Variants in MYO1F observed in about 807,000 individuals in gnomAD.
MYO1F encodes unconventional myosin-If.
MYO1F carries 60 observed loss-of-function variants against 146.6 expected under a neutral mutation model. That is an observed-to-expected ratio of 0.41 (90% confidence interval 0.33 to 0.51). The LOEUF (loss-of-function observed/expected upper bound fraction) is 0.51, where lower values mean the gene tolerates loss of function less well. Among genes scored for constraint, MYO1F ranks in the 20% least tolerant of loss-of-function variants. The pLI, the probability that MYO1F is intolerant of heterozygous loss-of-function variation, is 0.25. For missense variants in MYO1F, 1,274 were observed against 1,534.3 expected (o/e 0.83, Z 2.83); for synonymous variants, 602 against 602.1 (o/e 1.00, Z 0.00).
At chr19:8,544,000 T>TGCTGGTGCTGGTGGTGGC (rs1973207343) in intron 14 of MYO1F, 8 of 154,858 alleles carry the variant, frequency 5.2e-5, no homozygotes, top group South Asian at 2.2e-4. Context: ...GTGGTGCTGG[T>TGCTGGTGCTGGTGGTGGC]GGTGGCGGTG....
rs148644054 is a variant in MYO1F at position 8,541,371 on chromosome 19, G to A, written c.1610+535C>T. The stretch of plus-strand genomic sequence containing the variant: ...CATGTCAAACACTTTAAGGATCCCC[G>A]TCTTATTACTTTACATCTAATGCTA... On this transcript the variant is annotated intron_variant, in intron 15 of 27. Coordinates refer to ENST00000644032, the MANE Select transcript of MYO1F (RefSeq NM_012335.4). Among the ~76,000 whole-genome samples the A allele has an allele frequency of 1.2e-4, 17 of 147,638 alleles. No homozygotes were observed. In the East Asian group the frequency reaches 1.6e-3, roughly 14 times the overall value.
At chr19:8,525,657 G>T in intron 24 of MYO1F, 95 bp from the exon 25 acceptor site, 2 of 1,009,936 alleles carry the variant, frequency 2.0e-6, no homozygotes, top group East Asian at 2.6e-5. Context: ...GCCGCACCCC[G>T]CCCCCTCAGG....
Position 8,522,396 on chromosome 19 carries a change from G to C in MYO1F, c.3201C>G (p.Val1067=). 1 of 1,614,092 alleles carries C rather than the reference G, an allele frequency of 6.2e-7. No homozygotes were observed. Among genetic ancestry groups the C allele is most frequent in the Non-Finnish European group, 8.5e-7 (1 of 1,180,018 alleles). ...VDELSFNVNE[V]IEILMEDPSG... is the part of the protein sequence containing the mutation. ...ACACACCTTCCATGAGGATCTCAAT[G>C]ACCTCGTTCACGTTGAAGCTCAGCT... The change falls in exon 27 of 28, where the codon GTC becomes GTG. Residue 1067 remains valine (V), a synonymous_variant. Coordinates refer to ENST00000644032, the MANE Select transcript of MYO1F (RefSeq NM_012335.4).
At chr19:8,544,716 G>A (rs541954811) in intron 13 of MYO1F, among the ~76,000 whole-genome samples, 41 of 152,106 alleles carry the variant, frequency 2.7e-4, no homozygotes, top group South Asian at 8.3e-4. Context: ...AGTGGGTGGG[G>A]ACCCCTCAAG....
intron 14 of MYO1F, among the ~76,000 whole-genome samples, chr19:8,542,623 A>C (rs1973027545): frequency 6.6e-6 from 1 of 150,420 alleles, no homozygotes; most frequent in Non-Finnish European, 1.5e-5. Flanking sequence ...TTTTTTGAGA[A>C]AGAGTCTTGC....
chr19:8,558,318 C>G lies in MYO1F; in HGVS notation c.4-2522G>C, dbSNP rs1265390792. The stretch of plus-strand genomic sequence containing the variant: ...AGCTGGGACCACAGGTGTGTGCCAC[C>G]ATGCCCAGCTAATATTTAAATTTTT... On this transcript the variant is annotated intron_variant, in intron 1 of 27. Transcript: ENST00000644032. 2.6e-5 allele frequency among the ~76,000 whole-genome samples: 4 copies of G among 151,962 alleles called. No homozygotes were observed. In the East Asian group the frequency reaches 7.7e-4, roughly 29 times the overall value.
At chr19:8,568,504 T>C (rs1366413234) in intron 1 of MYO1F, among the ~76,000 whole-genome samples, 2 of 148,426 alleles carry the variant, frequency 1.3e-5, no homozygotes, top group Non-Finnish European at 3.0e-5. Flanking sequence ...GAATATCGTG[T>C]GGGGAGGATA....
At chr19:8,558,984 GC>G (rs1342173670) in intron 1 of MYO1F, among the ~76,000 whole-genome samples, 1 of 151,982 alleles carries the variant, frequency 6.6e-6, no homozygotes, top group African/African-American at 2.4e-5. Context: ...GCTCAAGCGA[GC>G]CTGTCACCTC....
chr19:8,565,850 AG>A (rs2041992821), intron 1 of MYO1F, among the ~76,000 whole-genome samples: 1 of 152,016 alleles, frequency 6.6e-6, no homozygotes, highest in African/African-American at 2.4e-5. Flanking sequence ...GCACTTTGGG[AG>A]GCTGAGGTGG....
rs1973681928 is a variant in MYO1F at position 8,553,077 on chromosome 19, G to A, written c.504+62C>T. ...AATACGGGTGTGTGTATGTGTGGGT[G>A]TGTGTGTAGAAAGGTCAGCACGGAG... On this transcript the variant is annotated intron_variant, in intron 6 of 27. Transcript: ENST00000644032. 4 of 1,437,086 alleles carry A rather than the reference G, an allele frequency of 2.8e-6. No homozygotes were observed. The South Asian group carries it at 4.6e-5, about 16-fold the overall frequency. 89.0% of individuals were successfully genotyped at this position (1,437,086 alleles called of 1,614,324 possible). A position where few individuals can be genotyped will look rare whatever the true frequency, so the allele number is the denominator to read the frequency against.
intron 24 of MYO1F, among the ~76,000 whole-genome samples, chr19:8,526,088 G>A (rs1041981775): frequency 6.6e-6 from 1 of 152,196 alleles, no homozygotes; most frequent in African/African-American, 2.4e-5. Context: ...CAGCACTTTG[G>A]GAGGCCGAGG....
intron 10 of MYO1F, chr19:8,549,945 T>G: frequency 3.2e-6 from 2 of 626,204 alleles, no homozygotes. Flanking sequence ...GAACTACACA[T>G]GCACACCACT....
At position 8,523,328 on chromosome 19, in the gene MYO1F, T is replaced by C. The variant is rs182878028; in HGVS notation, c.2855-499A>G. Among the ~76,000 whole-genome samples the C allele has an allele frequency of 6.0e-3, 915 of 152,128 alleles. 7 individuals are homozygous for C. Among genetic ancestry groups the C allele is most frequent in the Middle Eastern group, 0.014 (4 of 294 alleles). ...GATTACAGGCATGAGCCACCGCGCCTGGCCAATTATTTTTTACTTTTATTT... is the reference window on the plus strand; with the variant it reads ...GATTACAGGCATGAGCCACCGCGCCCGGCCAATTATTTTTTACTTTTATTT... On this transcript the variant is annotated intron_variant, in intron 25 of 27. Transcript: ENST00000644032.
Position 8,531,728 on chromosome 19 carries a change from C to T in MYO1F, c.2044-1155G>A, listed in dbSNP as rs965088418. Among the ~76,000 whole-genome samples the T allele has an allele frequency of 8.5e-5, 13 of 152,348 alleles. 1 individual carries two copies. The South Asian group carries it at 2.5e-3, about 29-fold the overall frequency. ...CGGTATGATGTCACGGTTTCTTACA[C>T]TGTTACTCGACACTATCCACGAGGT... On this transcript the variant is annotated intron_variant, in intron 19 of 27. Transcript: ENST00000644032.
rs144051400 is a variant in MYO1F, at chr19:8,573,203, C to T, written c.3+4104G>A. On this transcript the variant is annotated intron_variant, in intron 1 of 27. Coordinates refer to ENST00000644032, the MANE Select transcript of MYO1F (RefSeq NM_012335.4). Reference sequence around the variant, plus strand: ...GCGGGCGCCTGTAGTCCCAGCTACTCGGGAGGCTGAGGCAGGAGAATGGCA... The same window carrying T: ...GCGGGCGCCTGTAGTCCCAGCTACTTGGGAGGCTGAGGCAGGAGAATGGCA... 9.9e-3 allele frequency among the ~76,000 whole-genome samples: 1,503 copies of T among 151,832 alleles called. 12 individuals carry two copies. Among genetic ancestry groups the T allele is most frequent in the Middle Eastern group, 0.031 (9 of 294 alleles).
chr19:8,555,434 G>GGGAAAT (rs1428776448), intron 2 of MYO1F: 8 of 560,204 alleles, frequency 1.4e-5, no homozygotes, highest in Admixed American at 3.1e-5. Context: ...TCCGGAATGG[G>GGGAAAT]GGAAATGGAA....
intron 19 of MYO1F, among the ~76,000 whole-genome samples, chr19:8,531,165 T>C (rs1426291717): frequency 1.3e-5 from 2 of 151,458 alleles, no homozygotes; most frequent in Admixed American, 1.3e-4. Context: ...CTGATCAACA[T>C]GGAGAAACCC....
intron 1 of MYO1F, among the ~76,000 whole-genome samples, chr19:8,572,784 C>T (rs931375411): frequency 6.6e-6 from 1 of 152,168 alleles, no homozygotes. Context: ...CAGCCTGGAA[C>T]TCCTGGGCTC....
chr19:8,552,627 A>G (rs1973663019), intron 6 of MYO1F, among the ~76,000 whole-genome samples: 1 of 150,228 alleles, frequency 6.7e-6, no homozygotes, highest in African/African-American at 2.5e-5. Flanking sequence ...AGTCTATGAG[A>G]TGGATATTAA....
Sources: allele counts gnomAD v4.1 joint callset (sites outside exome capture counted in the v4.1 genomes callset), GRCh38; gene constraint gnomAD v4.1.1; transcripts MANE v1.5; gene names NCBI Gene and HGNC (gene_info 2026-07-23, HGNC 2026-07-21).